ELMO1: variants seen among roughly 807,000 people sequenced by gnomAD.
ELMO1 encodes engulfment and cell motility protein 1.
Under a neutral mutation model 98.9 loss-of-function variants are expected in ELMO1, and 26 were observed. The ratio of observed to expected loss-of-function variants is 0.26; its 90% confidence interval spans 0.19 to 0.36. The LOEUF (loss-of-function observed/expected upper bound fraction) is 0.36. Ranked by LOEUF, ELMO1 falls within the 10% of genes least tolerant of loss-of-function variation. ELMO1 has a pLI of 1.00. For synonymous variants in ELMO1, 346 were observed against 346.0 expected (o/e 1.00, Z 0.00); for missense variants, 627 against 935.2 (o/e 0.67, Z 4.30).
chr7:37,180,756 G>T (rs1790805279), intron 13 of ELMO1, among the ~76,000 whole-genome samples: 1 of 151,496 alleles, frequency 6.6e-6, no homozygotes, highest in Admixed American at 6.6e-5. Flanking sequence ...GTGTTTTTTT[G>T]GGGAAAAATA....
intron 16 of ELMO1, among the ~76,000 whole-genome samples, chr7:36,907,592 C>T (rs1266545617): frequency 6.6e-6 from 1 of 152,224 alleles, no homozygotes; most frequent in African/African-American, 2.4e-5. Context: ...CTCCATCCCT[C>T]TTCCTTTCTG....
chr7:37,123,432 C>T (rs1053074486), intron 14 of ELMO1, among the ~76,000 whole-genome samples: 10 of 152,038 alleles, frequency 6.6e-5, no homozygotes, highest in Non-Finnish European at 7.4e-5. Flanking sequence ...CAAATAGACG[C>T]AATAAAAAAT....
intron 16 of ELMO1, among the ~76,000 whole-genome samples, chr7:36,930,209 T>C (rs529398383): frequency 1.3e-5 from 2 of 152,358 alleles, no homozygotes; most frequent in East Asian, 3.9e-4. Context: ...GCCCTCTGGA[T>C]GTGTCTAGAA....
intron 16 of ELMO1, among the ~76,000 whole-genome samples, chr7:36,907,192 C>T (rs550887526): frequency 4.8e-4 from 73 of 151,986 alleles, no homozygotes; most frequent in South Asian, 2.5e-3. Context: ...AGGCCAGGGA[C>T]GAATCCCTGT....
At chr7:37,412,346 C>T (rs1403640195) in intron 1 of ELMO1, among the ~76,000 whole-genome samples, 1 of 152,230 alleles carries the variant, frequency 6.6e-6, no homozygotes, top group Non-Finnish European at 1.5e-5. Context: ...CCCTTCACCA[C>T]CACCTCAGCC....
At chr7:36,963,122 C>T (rs189614773) in intron 16 of ELMO1, among the ~76,000 whole-genome samples, 2 of 152,206 alleles carry the variant, frequency 1.3e-5, no homozygotes, top group Admixed American at 1.3e-4. Flanking sequence ...TGGTGGCTCA[C>T]GCCTGTAATC....
At chr7:37,259,395 A>ACAACAG in intron 5 of ELMO1, 45 bp from the exon 6 acceptor site, 1 of 1,587,988 alleles carries the variant, frequency 6.3e-7, no homozygotes, top group Non-Finnish European at 8.6e-7. Flanking sequence ...AAACGAAACC[A>ACAACAG]CAACAGCAAA....
chr7:37,277,927 C>A (rs374754450), intron 4 of ELMO1, among the ~76,000 whole-genome samples: 2 of 152,198 alleles, frequency 1.3e-5, no homozygotes, highest in East Asian at 1.9e-4. Flanking sequence ...CTGAAAGACC[C>A]AGAAACTCAA....
intron 13 of ELMO1, among the ~76,000 whole-genome samples, chr7:37,172,861 G>A (rs1790263321): frequency 6.6e-6 from 1 of 152,244 alleles, no homozygotes; most frequent in South Asian, 2.1e-4. Flanking sequence ...GGTTTCCATT[G>A]ACTATTTTCA....
chr7:37,337,034 G>A (rs533273302), intron 2 of ELMO1, among the ~76,000 whole-genome samples: 16 of 152,206 alleles, frequency 1.1e-4, no homozygotes, highest in Admixed American at 3.9e-4. Flanking sequence ...ATTTGACCCC[G>A]CAATCTCATT....
intron 16 of ELMO1, among the ~76,000 whole-genome samples, chr7:36,910,716 T>C (rs1784286270): frequency 6.6e-6 from 1 of 152,172 alleles, no homozygotes; most frequent in South Asian, 2.1e-4. Flanking sequence ...AAAGAGAGAA[T>C]GTTGGTCAAC....
intron 15 of ELMO1, among the ~76,000 whole-genome samples, chr7:37,027,671 G>A (rs1392901528): frequency 2.0e-5 from 3 of 152,102 alleles, no homozygotes; most frequent in Admixed American, 2.0e-4. Context: ...GGGTGGCAAG[G>A]ACCATAGCTC....
At chr7:37,122,954 C>T (rs1003040236) in intron 14 of ELMO1, among the ~76,000 whole-genome samples, 4 of 152,054 alleles carry the variant, frequency 2.6e-5, no homozygotes, top group African/African-American at 9.7e-5. Context: ...CACAGTGCAA[C>T]CAAACTGGAA....
intron 8 of ELMO1, among the ~76,000 whole-genome samples, chr7:37,231,466 CA>C (rs1794173254): frequency 6.6e-6 from 1 of 152,164 alleles, no homozygotes; most frequent in Non-Finnish European, 1.5e-5. Flanking sequence ...GAGGATGTGC[CA>C]TAACTTCTGT....
chr7:37,342,722 G>A lies in ELMO1; in HGVS notation c.-32C>T. 1.9e-6 allele frequency: 3 copies of A among 1,589,066 alleles called. No individual in the cohort carries two copies. Among genetic ancestry groups the A allele is most frequent in the Non-Finnish European group, 2.6e-6 (3 of 1,166,594 alleles). The stretch of plus-strand genomic sequence containing the variant: ...TCCCCAAAATGTTCAAAGCCAGTGG[G>A]AATGAGGATCCTACAGCGTAAACGG... On this transcript the variant is annotated 5_prime_UTR_variant, in exon 2 of 22. Coordinates refer to ENST00000310758, the MANE Select transcript of ELMO1 (RefSeq NM_014800.11). This position sits in a 1 kb window ranked among gnomAD's most constrained non-coding sequence, Gnocchi z 4.3.
intron 16 of ELMO1, among the ~76,000 whole-genome samples, chr7:36,906,821 A>G (rs773241607): frequency 1.3e-5 from 2 of 152,186 alleles, no homozygotes; most frequent in African/African-American, 4.8e-5. Flanking sequence ...TAAACAAATT[A>G]TAAGAGTAGA....
chr7:37,355,595 G>A (rs1176314394), intron 1 of ELMO1, among the ~76,000 whole-genome samples: 1 of 152,248 alleles, frequency 6.6e-6, no homozygotes, highest in Non-Finnish European at 1.5e-5. Flanking sequence ...GAAATCGGAG[G>A]GGGGAAAGTT....
At chr7:37,055,814 G>T (rs149744627) in intron 15 of ELMO1, among the ~76,000 whole-genome samples, 2 of 152,070 alleles carry the variant, frequency 1.3e-5, no homozygotes, top group African/African-American at 2.4e-5. Flanking sequence ...TGTCAGCCAC[G>T]CACCCTGGAG....
intron 14 of ELMO1, among the ~76,000 whole-genome samples, chr7:37,114,817 T>C (rs991783808): frequency 6.6e-6 from 1 of 151,676 alleles, no homozygotes; most frequent in Non-Finnish European, 1.5e-5. Context: ...ATCAGTAAAA[T>C]CAAAAGCTAG....
Sources: allele counts gnomAD v4.1 joint callset (sites outside exome capture counted in the v4.1 genomes callset), GRCh38; gene constraint gnomAD v4.1.1; non-coding constraint Gnocchi (gnomAD v3.1); transcripts MANE v1.5; gene names NCBI Gene and HGNC (gene_info 2026-07-23, HGNC 2026-07-21).